The following SLC9A7 variants were observed in gnomAD, a reference collection of about 807,000 sequenced individuals.
SLC9A7 encodes sodium/hydrogen exchanger 7.
In SLC9A7, 19 loss-of-function variants were observed where a neutral mutation model predicts 52.6. The observed-to-expected ratio is 0.36, with a 90% confidence interval of 0.25 to 0.53. The LOEUF is 0.53. Ranked by LOEUF, SLC9A7 falls within the 20% of genes least tolerant of loss-of-function variation. The probability of loss-of-function intolerance (pLI) is 0.91; values close to 1 mark genes in which losing one functional copy is unlikely to be tolerated. For missense variants in SLC9A7, 455 were observed against 597.9 expected (o/e 0.76, Z 2.49); for synonymous variants, 226 against 252.1 (o/e 0.90, Z 0.98).
chrX:46,632,445 G>A lies in SLC9A7; in HGVS notation c.1677-796C>T, dbSNP rs1242249704. ...TCTTCATCCCCCCACAATCCCTCAG[G>A]TGATGTCTGATTGTCTAAGTTGGTT... On this transcript the variant is annotated intron_variant, in intron 13 of 16. Coordinates refer to ENST00000616978, the MANE Select transcript of SLC9A7 (RefSeq NM_001257291.2). Among the ~76,000 whole-genome samples the A allele has an allele frequency of 2.7e-5, 3 of 111,323 alleles. No homozygotes were observed. In the East Asian group the frequency reaches 8.4e-4, roughly 31 times the overall value.
intron 7 of SLC9A7, among the ~76,000 whole-genome samples, chrX:46,656,533 T>C (rs1443595805): frequency 1.3e-4 from 14 of 111,886 alleles, no homozygotes; most frequent in Non-Finnish European, 2.1e-4. Context: ...TTAAAGGAAC[T>C]GATGGAGCTG....
intron 14 of SLC9A7, among the ~76,000 whole-genome samples, chrX:46,622,157 T>G (rs1943056727): frequency 8.9e-6 from 1 of 111,954 alleles, no homozygotes; most frequent in Non-Finnish European, 1.9e-5. Flanking sequence ...CCCTCGGTAT[T>G]TCAGGAATGT....
At chrX:46,733,793 C>A (rs1322751851) in intron 1 of SLC9A7, among the ~76,000 whole-genome samples, 2 of 110,883 alleles carry the variant, frequency 1.8e-5, no homozygotes, top group Admixed American at 9.6e-5. Context: ...CTAGTACTAT[C>A]TCTCCCACAC....
At chrX:46,658,813 A>G (rs1212310520) in intron 7 of SLC9A7, among the ~76,000 whole-genome samples, 2 of 110,709 alleles carry the variant, frequency 1.8e-5, no homozygotes, top group African/African-American at 6.5e-5. Flanking sequence ...AACTGGTACC[A>G]TTCCTTCTGA....
intron 1 of SLC9A7, among the ~76,000 whole-genome samples, chrX:46,705,940 A>G (rs1944598492): frequency 9.0e-6 from 1 of 110,689 alleles, no homozygotes; most frequent in East Asian, 2.9e-4. Context: ...AGATCCCAAA[A>G]TGCTCTGAAA....
chrX:46,673,210 G>C (rs1293793154), intron 3 of SLC9A7, among the ~76,000 whole-genome samples: 2 of 111,708 alleles, frequency 1.8e-5, no homozygotes, highest in Non-Finnish European at 3.8e-5. Flanking sequence ...GTGGAGAAAT[G>C]AGAAACAGAT....
chrX:46,635,664 A>G lies in SLC9A7; in HGVS notation c.1617-16T>C. On this transcript the variant is annotated splice_polypyrimidine_tract_variant and intron_variant, in intron 12 of 16. Transcript: ENST00000616978. ...GACGCCAACTCTGGGCAGCAGAAGAAGGGAACGTGAGTGTGACAGGGACAA... is the reference window on the plus strand; with the variant it reads ...GACGCCAACTCTGGGCAGCAGAAGAGGGGAACGTGAGTGTGACAGGGACAA... The G allele has an allele frequency of 8.4e-7, 1 of 1,189,347 alleles. No homozygotes were observed. Among genetic ancestry groups the G allele is most frequent in the Non-Finnish European group, 1.1e-6 (1 of 875,485 alleles).
At chrX:46,725,551 C>T in intron 1 of SLC9A7, 1 of 968,869 alleles carries the variant, frequency 1.0e-6, no homozygotes, top group African/African-American at 1.9e-5. Context: ...TTGGCTTGTT[C>T]TATGTTGAAT....
At chrX:46,758,681 G>C in intron 1 of SLC9A7, 24 bp downstream of exon 1, 1 of 1,068,480 alleles carries the variant, frequency 9.4e-7, no homozygotes, top group Non-Finnish European at 1.2e-6. Context: ...TGTGGAGGGC[G>C]GGGGGTGTAA....
chrX:46,625,362 G>A (rs1056812153), intron 14 of SLC9A7, among the ~76,000 whole-genome samples: 7 of 109,880 alleles, frequency 6.4e-5, no homozygotes, highest in Non-Finnish European at 1.1e-4. Flanking sequence ...AGGCTTTGTG[G>A]ATGGACTTAA....
At chrX:46,684,092 A>T (rs1944255134) in intron 1 of SLC9A7, among the ~76,000 whole-genome samples, 1 of 112,773 alleles carries the variant, frequency 8.9e-6, no homozygotes, top group Non-Finnish European at 1.9e-5. Context: ...GTAATAAAAC[A>T]ACTTGATTTT....
intron 1 of SLC9A7, among the ~76,000 whole-genome samples, chrX:46,748,407 GGAA>G (rs1921974753): frequency 9.7e-6 from 1 of 102,975 alleles, no homozygotes; most frequent in Non-Finnish European, 2.0e-5. Flanking sequence ...AAGGAAGGAA[GGAA>G]GGAAGGACAG....
chrX:46,642,992 T>A (rs1844731025), intron 12 of SLC9A7, among the ~76,000 whole-genome samples: 1 of 112,002 alleles, frequency 8.9e-6, no homozygotes, highest in Non-Finnish European at 1.9e-5. Context: ...TCCAGGCACT[T>A]CTCATTCTTT....
chrX:46,706,363 C>T (rs925709871), intron 1 of SLC9A7, among the ~76,000 whole-genome samples: 8 of 107,232 alleles, frequency 7.5e-5, no homozygotes, highest in Non-Finnish European at 1.4e-4. Context: ...TGTAATAAGA[C>T]GGATCATGAG....
In SLC9A7 at chrX:46,607,260, T is replaced by C. The variant is rs1942764086; in HGVS notation, c.1930-57A>G. On this transcript the variant is annotated intron_variant, in intron 16 of 16. Transcript: ENST00000616978. ...ATGAGAGACTGATATCTTCCAGGTT[T>C]GGCACCAACCCCAATCCCAATCCCA... The C allele has an allele frequency of 2.6e-6, 3 of 1,154,624 alleles. No homozygotes were observed. The East Asian group carries it at 9.1e-5, about 35-fold the overall frequency.
chrX:46,620,083 T>C (rs1284434903), intron 15 of SLC9A7, among the ~76,000 whole-genome samples: 5 of 111,789 alleles, frequency 4.5e-5, no homozygotes, highest in African/African-American at 1.6e-4. Context: ...CCAAAGACCA[T>C]ATATAATAAG....
At chrX:46,668,958 G>A (rs376632687) in intron 5 of SLC9A7, among the ~76,000 whole-genome samples, 2 of 110,773 alleles carry the variant, frequency 1.8e-5, no homozygotes, top group Non-Finnish European at 3.8e-5. Context: ...ACGAAGTCAG[G>A]AGATCGAGAC....
At chrX:46,700,548 G>A (rs374477579) in intron 1 of SLC9A7, among the ~76,000 whole-genome samples, 49 of 112,026 alleles carry the variant, frequency 4.4e-4, no homozygotes, top group Non-Finnish European at 8.5e-4. Flanking sequence ...TCTCTCCTCC[G>A]TAACTATCTT....
At chrX:46,717,295 A>G (rs145036158) in intron 1 of SLC9A7, among the ~76,000 whole-genome samples, 1,211 of 112,450 alleles carry the variant, frequency 0.011, 4 homozygotes, top group Non-Finnish European at 0.014. Flanking sequence ...TTTGTGTAAT[A>G]AAGTGTTTTG....
Sources: gnomAD v4.1 joint callset for allele counts (sites outside exome capture counted in the v4.1 genomes callset) on GRCh38, gnomAD v4.1.1 for gene constraint, MANE v1.5 for transcripts, NCBI Gene and HGNC (gene_info 2026-07-23, HGNC 2026-07-21) for gene names.